Variants in CLSPN observed in about 807,000 individuals in gnomAD.
The protein encoded by CLSPN is claspin.
Under a neutral mutation model 156.3 loss-of-function variants are expected in CLSPN, and 85 were observed. The observed-to-expected ratio is 0.54, with a 90% confidence interval of 0.46 to 0.65. The LOEUF (loss-of-function observed/expected upper bound fraction) is 0.65. Among genes scored for constraint, CLSPN ranks in the 30% least tolerant of loss-of-function variants. The probability of loss-of-function intolerance (pLI) is 0.00; values close to 1 mark genes in which losing one functional copy is unlikely to be tolerated. For synonymous variants in CLSPN, 534 were observed against 542.4 expected, an observed-to-expected ratio of 0.98 and a Z score of 0.22; for missense variants, 1,407 against 1,554.9, an observed-to-expected ratio of 0.90 and a Z score of 1.60.
intron 1 of CLSPN, among the ~76,000 whole-genome samples, 162 bp from the exon 2 acceptor site, chr1:35,765,488 C>A (rs1298329418): frequency 6.6e-6 from 1 of 151,968 alleles, no homozygotes; most frequent in Admixed American, 6.6e-5. Context: ...GGACAACAAA[C>A]AAACAAAAGT....
chr1:35,752,291 G>C (rs1426013871), intron 9 of CLSPN, among the ~76,000 whole-genome samples: 1 of 152,000 alleles, frequency 6.6e-6, no homozygotes, highest in Non-Finnish European at 1.5e-5. Flanking sequence ...TTTAAAAAAA[G>C]CCTCAAGGCC....
chr1:35,743,239 A>G lies in CLSPN; in HGVS notation c.3045T>C (p.Asp1015=). The change falls in exon 18 of 25, where the codon GAT becomes GAC. Residue 1015 remains aspartate (D), a splice_region_variant and synonymous_variant. Coordinates refer to ENST00000318121, the MANE Select transcript of CLSPN (RefSeq NM_022111.4). ...GATCATTACCAGAGTCACTGTGTTCATCCTACAAAATCAGCATCATATCCA... is the reference window on the plus strand; with the variant it reads ...GATCATTACCAGAGTCACTGTGTTCGTCCTACAAAATCAGCATCATATCCA... ...SNDNEFDSDE[D]EHSDSGNDLA... 1 of 1,610,412 alleles carries G rather than the reference A, an allele frequency of 6.2e-7. No individual in the cohort carries two copies. The highest frequency in any genetic ancestry group is 8.5e-7 in the Non-Finnish European group (1 of 1,176,932).
At position 35,748,546 on chromosome 1, in the gene CLSPN, C is replaced by A. The variant is rs764399649; in HGVS notation, c.2331G>T (p.Glu777Asp). The change falls in exon 13 of 25, where the codon GAG becomes GAT. Residue 777 changes from glutamate to aspartate, a missense_variant. Glu to Asp is a conservative substitution (Grantham distance 45). This residue lies in a region of CLSPN where 1,096 missense variants were observed against 1,193.0 expected (regional missense o/e 0.92). Coordinates refer to ENST00000318121, the MANE Select transcript of CLSPN (RefSeq NM_022111.4). ...AGGATGGAATCGTGGAGCCAATCAG[C>A]TCAAAGCTGCTATTGTGGCTGCTCT... ...TKESSHNSSFELIGSTIPSYQ... is the reference protein window; with the variant it reads ...TKESSHNSSFDLIGSTIPSYQ... 1 of 1,614,066 alleles carries A rather than the reference C, an allele frequency of 6.2e-7. No individual in the cohort carries two copies. The highest frequency in any genetic ancestry group is 1.3e-5 in the African/African-American group (1 of 74,928).
chr1:35,758,809 T>TTC (rs1255898641), intron 8 of CLSPN, among the ~76,000 whole-genome samples: 2 of 151,004 alleles, frequency 1.3e-5, no homozygotes, highest in Non-Finnish European at 3.0e-5. Context: ...TTCTTTTTTT[T>TTC]TTTTTTTGAG....
At chr1:35,742,017 T>G (rs1641711759) in intron 18 of CLSPN, among the ~76,000 whole-genome samples, 1 of 126,958 alleles carries the variant, frequency 7.9e-6, no homozygotes, top group African/African-American at 3.1e-5. Flanking sequence ...GCCTGGTGGC[T>G]CATGCCTGTA....
At chr1:35,738,673 T>C (rs1641572592) in intron 20 of CLSPN, 91 bp from the exon 21 acceptor site, 2 of 1,267,870 alleles carry the variant, frequency 1.6e-6, no homozygotes, top group South Asian at 1.4e-5. Flanking sequence ...TCATTTACTA[T>C]ATAATGATGT....
In CLSPN at chr1:35,758,503, G is replaced by A. The variant is rs540377029; in HGVS notation, c.1579+1839C>T. ...CTACTAAAAATACAAAAATTAGCTG[G>A]GTGTGGTGGCGGGTACCTGTAATCC... On this transcript the variant is annotated intron_variant, in intron 8 of 24. Transcript: ENST00000318121. 9.2e-5 allele frequency among the ~76,000 whole-genome samples: 14 copies of A among 152,142 alleles called. No individual in the cohort carries two copies. The East Asian group carries it at 2.7e-3, about 29-fold the overall frequency.
Position 35,763,272 on chromosome 1 carries a change from T to C in CLSPN, c.632A>G (p.Asp211Gly), listed in dbSNP as rs1571221630. ...PFNDSGCLLV[D>G]KDLFETGLED... ...CAACCCAGTTTCAAAAAGGTCTTTA[T>C]CCACAAGAAGACAGCCACTGTCATT... Residue 211 changes from aspartate to glycine, a missense_variant, in exon 4 of 25, where the codon GAT becomes GGT. Asp to Gly is a moderately conservative substitution (Grantham distance 94). Transcript: ENST00000318121. The C allele has an allele frequency of 1.2e-6, 2 of 1,607,446 alleles. No homozygotes were observed. Among genetic ancestry groups the C allele is most frequent in the Non-Finnish European group, 1.7e-6 (2 of 1,178,230 alleles).
chr1:35,731,789 T>C (rs550671155), downstream of CLSPN, among the ~76,000 whole-genome samples: 6 of 152,324 alleles, frequency 3.9e-5, no homozygotes, highest in South Asian at 1.2e-3. Context: ...ACTGGATATA[T>C]GGAGGTACCT....
rs535638 is a variant in CLSPN, at chr1:35,751,234, C to T, written c.2028+16G>A. ...TCACCATGACAAGGTAACAAAACAA[C>T]GTAATTGCCAGAAACCTCCTGATTT... On this transcript the variant is annotated intron_variant, in intron 10 of 24. Coordinates refer to ENST00000318121, the MANE Select transcript of CLSPN (RefSeq NM_022111.4). 1,288,212 of 1,593,610 alleles carry T rather than the reference C, an allele frequency of 0.81. 542,847 individuals carry two copies. Among genetic ancestry groups the T allele is most frequent in the Non-Finnish European group, 0.88 (1,031,246 of 1,177,428 alleles).
At chr1:35,750,396 GTT>G (rs74977132) in intron 10 of CLSPN, among the ~76,000 whole-genome samples, 3 of 141,950 alleles carry the variant, frequency 2.1e-5, no homozygotes, top group East Asian at 4.1e-4. Flanking sequence ...AAAAAGGAAA[GTT>G]TTTTTTTTTT....
chr1:35,736,556 G>C lies in CLSPN; in HGVS notation c.3960C>G (p.Leu1320=). 6.2e-7 allele frequency: 1 copy of C among 1,612,750 alleles called. No individual in the cohort carries two copies. Among genetic ancestry groups the C allele is most frequent in the Non-Finnish European group, 8.5e-7 (1 of 1,179,516 alleles). ...SFMTSPSPKH[L]KTDDSTSGLT... ...ATCCTGAAGTGCTATCATCTGTTTT[G>C]AGGTGCTTAGGTGAAGGAGAAGTCA... Residue 1320 remains leucine (L), a synonymous_variant, in exon 25 of 25, where the codon CTC becomes CTG. Transcript: ENST00000318121.
At chr1:35,741,081 A>G (rs1017203688) in intron 18 of CLSPN, among the ~76,000 whole-genome samples, 2 of 152,214 alleles carry the variant, frequency 1.3e-5, no homozygotes, top group African/African-American at 2.4e-5. Flanking sequence ...CATACAATAT[A>G]ATATTAAATA....
intron 13 of CLSPN, 43 bp downstream of exon 13, chr1:35,748,362 A>T (rs1296268656): frequency 6.4e-7 from 1 of 1,554,476 alleles, no homozygotes; most frequent in East Asian, 2.2e-5. Context: ...GCAATGTGGG[A>T]AGCAAAGAGA....
At chr1:35,750,704 G>GTT (rs141290209) in intron 10 of CLSPN, among the ~76,000 whole-genome samples, 1 of 151,996 alleles carries the variant, frequency 6.6e-6, no homozygotes, top group African/African-American at 2.4e-5. Context: ...AAAAAGGAAA[G>GTT]TTTTTTAATA....
At chr1:35,750,230 T>C (rs1298711417) in intron 10 of CLSPN, among the ~76,000 whole-genome samples, 2 of 152,002 alleles carry the variant, frequency 1.3e-5, no homozygotes, top group African/African-American at 4.8e-5. Context: ...TGGTGGCTCA[T>C]GCCTGTAATC....
Position 35,760,402 on chromosome 1 carries a change from T to C in CLSPN, c.1519A>G (p.Lys507Glu), listed in dbSNP as rs751163297. The part of the protein sequence containing the change: ...LKQLGVDVSI[K>E]PRLGADEDSF... ...TCTTCATCAGCACCTAGCCGTGGTT[T>C]AATGGAAACATCTACTCCCAGTTGC... The change falls in exon 8 of 25, where the codon AAA becomes GAA. Residue 507 changes from lysine to glutamate, a missense_variant. Around this residue, in one of 3 missense-constraint regions of CLSPN, gnomAD observed 1,096 missense variants for 1,193.0 expected, o/e 0.92. Transcript: ENST00000318121. 6.8e-6 allele frequency: 11 copies of C among 1,614,122 alleles called. No individual in the cohort carries two copies. The highest frequency in any genetic ancestry group is 4.4e-5 in the South Asian group (4 of 91,082).
At chr1:35,758,733 C>T (rs527766391) in intron 8 of CLSPN, among the ~76,000 whole-genome samples, 4 of 151,624 alleles carry the variant, frequency 2.6e-5, no homozygotes, top group African/African-American at 9.7e-5. Flanking sequence ...TTATACTATC[C>T]ATTTGCATGC....
Position 35,760,554 on chromosome 1 carries a change from A to G in CLSPN, c.1367T>C (p.Leu456Pro). 1.9e-6 allele frequency: 3 copies of G among 1,614,156 alleles called. No individual in the cohort carries two copies. The highest frequency in any genetic ancestry group is 2.5e-6 in the Non-Finnish European group (3 of 1,180,018). ...GGLVAFEPHA[L>P]EGEGPQNPEE... ...TGGATTTTGGGGGCCTTCACCCTCC[A>G]GGGCATGAGGTTCAAATGCTACAAG... Residue 456 changes from leucine to proline, a missense_variant, in exon 8 of 25, where the codon CTG becomes CCG. This residue lies in a region of CLSPN where 1,096 missense variants were observed against 1,193.0 expected (regional missense o/e 0.92). Transcript: ENST00000318121.
Sources: allele counts gnomAD v4.1 joint callset (sites outside exome capture counted in the v4.1 genomes callset), GRCh38; gene constraint gnomAD v4.1.1; regional missense constraint gnomAD v4.1.1; transcripts MANE v1.5; gene names NCBI Gene and HGNC (gene_info 2026-07-23, HGNC 2026-07-21).